ABRAXAS1: variants seen among roughly 807,000 people sequenced by gnomAD.
The protein encoded by ABRAXAS1 is abraxas 1, BRCA1 A complex subunit.
A neutral mutation model predicts 38.4 loss-of-function variants in ABRAXAS1; 26 were observed. The observed-to-expected ratio is 0.68, with a 90% CI of 0.50 to 0.94. The LOEUF (loss-of-function observed/expected upper bound fraction) is 0.94. Among genes scored for constraint, ABRAXAS1 ranks in the 40% least tolerant of loss-of-function variants. The pLI, the probability that ABRAXAS1 is intolerant of heterozygous loss-of-function variation, is 0.00. For synonymous variants in ABRAXAS1, 144 were observed against 165.5 expected (o/e 0.87, Z 1.00); for missense variants, 438 against 481.9 (o/e 0.91, Z 0.85).
intron 2 of ABRAXAS1, chr4:83,478,527 C>T (rs1266494450): frequency 2.1e-5 from 7 of 339,010 alleles, no homozygotes; most frequent in African/African-American, 4.3e-5. Flanking sequence ...TTTACCAAAC[C>T]GTTGGTCTCC....
At chr4:83,470,140 G>C in intron 5 of ABRAXAS1, 63 bp downstream of exon 5, 2 of 1,297,112 alleles carry the variant, frequency 1.5e-6, no homozygotes, top group Non-Finnish European at 2.1e-6. Context: ...GCTGCAAAAA[G>C]TACTAAGTAT....
chr4:83,462,135 C>A lies in ABRAXAS1; in HGVS notation c.*334G>T. On this transcript the variant is annotated 3_prime_UTR_variant, in exon 9 of 9. Coordinates refer to ENST00000321945, the MANE Select transcript of ABRAXAS1 (RefSeq NM_139076.3). ...CTCTAACTCCTAACTTCAATCAATC[C>A]TCCTGACTTGTCTTCCCTAAGTGCT... The A allele has an allele frequency of 3.7e-6, 1 of 266,674 alleles. No individual in the cohort carries two copies. The highest frequency in any genetic ancestry group is 7.1e-6 in the Non-Finnish European group (1 of 140,896). 16.5% of individuals were successfully genotyped at this position (266,674 alleles called of 1,614,324 possible). A position where few individuals can be genotyped will look rare whatever the true frequency, so the allele number is the denominator to read the frequency against.
Position 83,460,703 on chromosome 4 carries a change from GGACCA to G in ABRAXAS1, c.*1761_*1765del, listed in dbSNP as rs1722061013. The G allele has an allele frequency of 2.8e-6, 1 of 361,228 alleles. No individual in the cohort carries two copies. Among genetic ancestry groups the G allele is most frequent in the African/African-American group, 2.2e-5 (1 of 46,500 alleles). 22.4% of individuals were successfully genotyped at this position (361,228 alleles called of 1,614,324 possible). A position where few individuals can be genotyped will look rare whatever the true frequency, so the allele number is the denominator to read the frequency against. The stretch of plus-strand genomic sequence containing the variant: ...CAGATCACCTGAGGCCAGGAGTTCA[GGACCA>G]GCCTGGCCAATATGGTGAAACCCCG... On this transcript the variant is annotated 3_prime_UTR_variant, in exon 9 of 9. Coordinates refer to ENST00000321945, the MANE Select transcript of ABRAXAS1 (RefSeq NM_139076.3).
In ABRAXAS1 at chr4:83,463,435, A is replaced by G. The variant is rs1722223045; in HGVS notation, c.796+59T>C. ...GCGACAGAGCGAGACTCCGTCTCAAAAATAAATAAATAAATAAAAATTTTT... is the reference window on the plus strand; with the variant it reads ...GCGACAGAGCGAGACTCCGTCTCAAGAATAAATAAATAAATAAAAATTTTT... On this transcript the variant is annotated intron_variant, in intron 8 of 8. Coordinates refer to ENST00000321945, the MANE Select transcript of ABRAXAS1 (RefSeq NM_139076.3). 8 of 1,224,486 alleles carry G rather than the reference A, an allele frequency of 6.5e-6. No homozygotes were observed. In the Admixed American group the frequency reaches 1.8e-4, roughly 27 times the overall value. The allele number at this position is 1,224,486 out of a possible 1,614,324, so 75.9% of individuals were successfully genotyped here.
chr4:83,480,020 A>G (rs1451091046), intron 2 of ABRAXAS1: 3 of 176,122 alleles, frequency 1.7e-5, no homozygotes, highest in South Asian at 1.1e-4. Flanking sequence ...TGTACTTGTG[A>G]TATCTTGGGA....
rs1722124438 is a variant in ABRAXAS1 at position 83,461,689 on chromosome 4, A to G, written c.*780T>C. ...TTGAATATGATAGACATACATGTAT[A>G]TATGTATCAGTTCTGAGTTCCACTG... On this transcript the variant is annotated 3_prime_UTR_variant, in exon 9 of 9. Coordinates refer to ENST00000321945, the MANE Select transcript of ABRAXAS1 (RefSeq NM_139076.3). The G allele has an allele frequency of 2.0e-5, 5 of 247,902 alleles. No homozygotes were observed. Among genetic ancestry groups the G allele is most frequent in the Non-Finnish European group, 4.0e-5 (5 of 125,674 alleles). The allele number at this position is 247,902 out of a possible 1,614,324, so 15.4% of individuals were successfully genotyped here.
chr4:83,463,555 C>G lies in ABRAXAS1; in HGVS notation c.735G>C (p.Lys245Asn). The change falls in exon 8 of 9, where the codon AAG becomes AAC. Residue 245 changes from lysine to asparagine, a missense_variant. By Grantham distance (94) the Lys-to-Asn change is moderately conservative. Around this residue, in one of 3 missense-constraint regions of ABRAXAS1, gnomAD observed 194 missense variants for 269.0 expected, o/e 0.72. Coordinates refer to ENST00000321945, the MANE Select transcript of ABRAXAS1 (RefSeq NM_139076.3). ...DSEQAVDKLV[K>N]DVNRLKREIE... is the part of the protein sequence containing the mutation. ...TTTCTCGTTTTAATCTGTTTACATCCTTTACTAGTTTATCTACTGCTTGTT... is the reference window on the plus strand; with the variant it reads ...TTTCTCGTTTTAATCTGTTTACATCGTTTACTAGTTTATCTACTGCTTGTT... 1 of 1,611,918 alleles carries G rather than the reference C, an allele frequency of 6.2e-7. No homozygotes were observed. Among genetic ancestry groups the G allele is most frequent in the Non-Finnish European group, 8.5e-7 (1 of 1,179,300 alleles).
At chr4:83,466,195 C>T (rs1267977196) in intron 7 of ABRAXAS1, among the ~76,000 whole-genome samples, 1 of 152,196 alleles carries the variant, frequency 6.6e-6, no homozygotes, top group Non-Finnish European at 1.5e-5. Context: ...GTCTTCTTAT[C>T]CCCCTCTCCT....
At position 83,462,604 on chromosome 4, in the gene ABRAXAS1, T is replaced by G. The variant is rs748650098; in HGVS notation, c.1095A>C (p.Thr365=). Residue 365 remains threonine, a synonymous_variant, in exon 9 of 9, where the codon ACA becomes ACC. Coordinates refer to ENST00000321945, the MANE Select transcript of ABRAXAS1 (RefSeq NM_139076.3). ...TATCTGCTTTAGATCGTTTGTCTTGTGTATCTAACAACCGAGATCTCTTGA... is the reference window on the plus strand; with the variant it reads ...TATCTGCTTTAGATCGTTTGTCTTGGGTATCTAACAACCGAGATCTCTTGA... ...WQFKRSRLLD[T]QDKRSKADTG... The G allele has an allele frequency of 6.2e-7, 1 of 1,614,146 alleles. No homozygotes were observed. The highest frequency in any genetic ancestry group is 2.2e-5 in the East Asian group (1 of 44,868).
intron 3 of ABRAXAS1, among the ~76,000 whole-genome samples, chr4:83,473,320 T>C (rs1459339631): frequency 6.6e-6 from 1 of 152,160 alleles, no homozygotes; most frequent in Admixed American, 6.5e-5. Context: ...AGTTCCAATA[T>C]GAAAATACAA....
chr4:83,485,066 C>T lies in ABRAXAS1; in HGVS notation c.7G>A (p.Gly3Arg), dbSNP rs370520589. 10 of 1,588,018 alleles carry T rather than the reference C, an allele frequency of 6.3e-6. No individual in the cohort carries two copies. Among genetic ancestry groups the T allele is most frequent in the African/African-American group, 2.8e-5 (2 of 71,938 alleles). The change falls in exon 1 of 9, where the codon GGG (glycine) becomes AGG (arginine). Residue 3 changes from glycine (G) to arginine (R), a missense_variant. Coordinates refer to ENST00000321945, the MANE Select transcript of ABRAXAS1 (RefSeq NM_139076.3). MEGESTSAVLSGF... is the reference protein window; with the variant it reads MERESTSAVLSGF... ...GAGAGCACCGCCGACGTACTCTCCC[C>T]CTCCATGCTACCGCCGCCTCAGGCT...
rs1722064397 is a variant in ABRAXAS1 at position 83,460,758 on chromosome 4, T to G, written c.*1711A>C. The G allele has an allele frequency of 2.1e-6, 1 of 480,810 alleles. No homozygotes were observed. Among genetic ancestry groups the G allele is most frequent in the Non-Finnish European group, 3.8e-6 (1 of 265,918 alleles). The allele number at this position is 480,810 out of a possible 1,614,324, so 29.8% of individuals were successfully genotyped here. ...GTTTCTACTACAAATACAAAAAAAT[T>G]ATCCGGGTGTGGCGGTGCATGCCTG... On this transcript the variant is annotated 3_prime_UTR_variant, in exon 9 of 9. Coordinates refer to ENST00000321945, the MANE Select transcript of ABRAXAS1 (RefSeq NM_139076.3).
chr4:83,465,299 C>CAAAAAAAAAAAAAAAAAAAAAAAAAAAAA (rs35072866), intron 7 of ABRAXAS1, among the ~76,000 whole-genome samples: 3 of 88,202 alleles, frequency 3.4e-5, no homozygotes, highest in African/African-American at 8.0e-5. Context: ...GACTCTGTCT[C>CAAAAAAAAAAAAAAAAAAAAAAAAAAAAA]AAAAAAAAAA....
At chr4:83,477,644 G>A (rs1023067815) in intron 2 of ABRAXAS1, 12 of 519,848 alleles carry the variant, frequency 2.3e-5, no homozygotes, top group African/African-American at 7.8e-5. Flanking sequence ...GCCAAAACAC[G>A]ACTTCAGGTA....
intron 3 of ABRAXAS1, 37 bp from the exon 4 acceptor site, chr4:83,472,325 TA>T: frequency 8.4e-7 from 1 of 1,186,702 alleles, no homozygotes; most frequent in Non-Finnish European, 1.2e-6. Flanking sequence ...TCAAATACGC[TA>T]AAAATATAAG....
In ABRAXAS1 at chr4:83,470,194, A is replaced by C; in HGVS notation, c.476+9T>G. The C allele has an allele frequency of 6.3e-7, 1 of 1,598,128 alleles. No homozygotes were observed. The highest frequency in any genetic ancestry group is 8.5e-7 in the Non-Finnish European group (1 of 1,171,274). On this transcript the variant is annotated intron_variant, in intron 5 of 8. Coordinates refer to ENST00000321945, the MANE Select transcript of ABRAXAS1 (RefSeq NM_139076.3). Reference sequence around the variant, plus strand: ...AGTTTAATACAGCCAGTGACTGGCCAACATTTACCCTTTTTGAGGTTTATA... The same window carrying C: ...AGTTTAATACAGCCAGTGACTGGCCCACATTTACCCTTTTTGAGGTTTATA...
At position 83,462,552 on chromosome 4, in the gene ABRAXAS1, A is replaced by T. The variant is rs2110032821; in HGVS notation, c.1147T>A (p.Ser383Thr). ...TCTGTTTCTGGGCTGCTCATTTTGG[A>T]TGCTTTATCTTGGTTACTACTACCA... ...DTGSSNQDKA[S>T]KMSSPETDEE... The change falls in exon 9 of 9, where the codon TCC (serine) becomes ACC (threonine). Residue 383 changes from serine to threonine, a missense_variant. Coordinates refer to ENST00000321945, the MANE Select transcript of ABRAXAS1 (RefSeq NM_139076.3). The T allele has an allele frequency of 6.2e-7, 1 of 1,614,090 alleles. No homozygotes were observed. Among genetic ancestry groups the T allele is most frequent in the Non-Finnish European group, 8.5e-7 (1 of 1,179,990 alleles).
In ABRAXAS1 at chr4:83,460,912, A is replaced by G; in HGVS notation, c.*1557T>C. The G allele has an allele frequency of 6.6e-7, 1 of 1,514,014 alleles. No homozygotes were observed. The highest frequency in any genetic ancestry group is 9.0e-7 in the Non-Finnish European group (1 of 1,110,198). The allele number at this position is 1,514,014 out of a possible 1,614,324, so 93.8% of individuals were successfully genotyped here. A position where few individuals can be genotyped will look rare whatever the true frequency, so the allele number is the denominator to read the frequency against. ...CACAGGGAGACTCCATCTCAAAAAAAAAAATTGCAAACTTTAAATATTGAC... is the reference window on the plus strand; with the variant it reads ...CACAGGGAGACTCCATCTCAAAAAAGAAAATTGCAAACTTTAAATATTGAC... On this transcript the variant is annotated 3_prime_UTR_variant, in exon 9 of 9. Coordinates refer to ENST00000321945, the MANE Select transcript of ABRAXAS1 (RefSeq NM_139076.3).
intron 2 of ABRAXAS1, chr4:83,478,185 G>A (rs1722855520): frequency 4.2e-6 from 3 of 714,160 alleles, no homozygotes; most frequent in South Asian, 1.3e-5. Context: ...TTTACATATG[G>A]TTTGGCTGGG....
Sources: allele counts gnomAD v4.1 joint callset (sites outside exome capture counted in the v4.1 genomes callset), GRCh38; gene constraint gnomAD v4.1.1; regional missense constraint gnomAD v4.1.1; transcripts MANE v1.5; gene names NCBI Gene and HGNC (gene_info 2026-07-23, HGNC 2026-07-21).